Variants in SUGCT observed in about 807,000 individuals in gnomAD.
SUGCT encodes succinyl-CoA:glutarate CoA-transferase.
In SUGCT, 41 loss-of-function variants were observed where a neutral mutation model predicts 55.0. The ratio of observed to expected loss-of-function variants is 0.74; its 90% CI spans 0.58 to 0.97. SUGCT has a LOEUF of 0.97. Ranked by LOEUF, SUGCT falls within the 50% of genes least tolerant of loss-of-function variation. The pLI is 0.00. For missense variants in SUGCT, 568 were observed against 547.8 expected, an observed-to-expected ratio of 1.04 and a Z score of -0.37; for synonymous variants, 187 against 200.4, an observed-to-expected ratio of 0.93 and a Z score of 0.56.
chr7:40,831,889 G>T (rs1008618246), intron 13 of SUGCT, among the ~76,000 whole-genome samples: 1 of 152,182 alleles, frequency 6.6e-6, no homozygotes, highest in Non-Finnish European at 1.5e-5. Context: ...ACACTGGCAG[G>T]ACAGCCTAGA....
intron 12 of SUGCT, among the ~76,000 whole-genome samples, chr7:40,534,759 C>T (rs963871460): frequency 4.6e-5 from 7 of 152,036 alleles, no homozygotes; most frequent in East Asian, 1.9e-4. Flanking sequence ...CAGTAATTTC[C>T]GAATAACCTT....
the SUGCT span, among the ~76,000 whole-genome samples, chr7:41,025,963 G>A: frequency 2.6e-5 from 4 of 152,252 alleles, no homozygotes; most frequent in East Asian, 1.9e-4. Flanking sequence ...AAAATGGGTC[G>A]AGGGGTGGAC....
chr7:40,322,952 G>A (rs765981489), intron 9 of SUGCT, among the ~76,000 whole-genome samples: 10 of 46,604 alleles, frequency 2.1e-4, no homozygotes, highest in Non-Finnish European at 4.1e-4. Flanking sequence ...GTGACAGAGC[G>A]AGACCCTGTC....
At chr7:40,202,971 C>A (rs1256379461) in intron 6 of SUGCT, among the ~76,000 whole-genome samples, 1 of 152,152 alleles carries the variant, frequency 6.6e-6, no homozygotes, top group Non-Finnish European at 1.5e-5. Context: ...TAGCCATAAC[C>A]CCTTGCCTTT....
chr7:40,374,476 A>G (rs545447503), intron 9 of SUGCT, among the ~76,000 whole-genome samples: 1 of 152,186 alleles, frequency 6.6e-6, no homozygotes, highest in Non-Finnish European at 1.5e-5. Flanking sequence ...CAAGATATTA[A>G]TCCAAATAAA....
rs186427380 is a variant in SUGCT, at chr7:40,587,233, T to C, written c.1089+90847T>C. ...TTGATGGTAGTAGTGGTTACATGAC[T>C]ATACATTTGTCAAAACTCAGAGAAC... On this transcript the variant is annotated intron_variant, in intron 12 of 13. Transcript: ENST00000335693. 2.6e-3 allele frequency among the ~76,000 whole-genome samples: 389 copies of C among 152,312 alleles called. 2 individuals carry two copies. Among genetic ancestry groups the C allele is most frequent in the Non-Finnish European group, 3.8e-3 (261 of 68,034 alleles).
intron 8 of SUGCT, among the ~76,000 whole-genome samples, chr7:40,297,217 G>A (rs1433456000): frequency 6.6e-6 from 1 of 152,024 alleles, no homozygotes; most frequent in Admixed American, 6.6e-5. Context: ...TCCTGCCCTA[G>A]GAGCCCATTG....
chr7:40,643,647 AT>A (rs1298324937), intron 12 of SUGCT, among the ~76,000 whole-genome samples: 1 of 152,220 alleles, frequency 6.6e-6, no homozygotes, highest in African/African-American at 2.4e-5. Flanking sequence ...GCTCATTTGA[AT>A]TTTTCTTCTC....
intron 12 of SUGCT, among the ~76,000 whole-genome samples, chr7:40,683,095 A>T (rs1199199010): frequency 6.6e-6 from 1 of 151,868 alleles, no homozygotes; most frequent in East Asian, 1.9e-4. Context: ...TTTACTTTAG[A>T]TGACTTTTCT....
the SUGCT span, among the ~76,000 whole-genome samples, chr7:40,994,487 G>A: frequency 6.6e-6 from 1 of 151,978 alleles, no homozygotes; most frequent in Non-Finnish European, 1.5e-5. Context: ...TGCCCCAAGT[G>A]TAAAGAGATT....
intron 11 of SUGCT, among the ~76,000 whole-genome samples, chr7:40,464,720 C>G (rs1790006451): frequency 6.6e-6 from 1 of 152,158 alleles, no homozygotes. Context: ...GCCTGTAGTC[C>G]CAGCTACTTT....
chr7:40,657,247 G>A (rs1169431079), intron 12 of SUGCT, among the ~76,000 whole-genome samples: 1 of 151,904 alleles, frequency 6.6e-6, no homozygotes, highest in African/African-American at 2.4e-5. Context: ...TATCTATTAT[G>A]CTTCTTTTCC....
chr7:40,724,561 CA>C (rs941525070), intron 12 of SUGCT, among the ~76,000 whole-genome samples: 328 of 139,560 alleles, frequency 2.4e-3, no homozygotes, highest in African/African-American at 5.9e-3. Flanking sequence ...GACTCCATCT[CA>C]AAAAAAAAAA....
the SUGCT span, among the ~76,000 whole-genome samples, chr7:41,019,921 A>G: frequency 4.3e-3 from 648 of 152,276 alleles, 4 homozygotes; most frequent in Non-Finnish European, 7.5e-3. Context: ...GATATGAGGT[A>G]CCTCCCCATG....
At chr7:40,835,885 T>C (rs539080102) in intron 13 of SUGCT, among the ~76,000 whole-genome samples, 1 of 151,386 alleles carries the variant, frequency 6.6e-6, no homozygotes, top group African/African-American at 2.4e-5. Flanking sequence ...CATTTTCTTT[T>C]TTTTCTTTTT....
At chr7:40,373,313 T>TCTATAGATTCTAGAAAATTC (rs1784385081) in intron 9 of SUGCT, among the ~76,000 whole-genome samples, 1 of 149,522 alleles carries the variant, frequency 6.7e-6, no homozygotes, top group Admixed American at 6.7e-5. Flanking sequence ...CTAGAAAATT[T>TCTATAGATTCTAGAAAATTC]AGAATCTATA....
At chr7:40,410,040 C>A (rs1165397158) in intron 9 of SUGCT, among the ~76,000 whole-genome samples, 1 of 152,040 alleles carries the variant, frequency 6.6e-6, no homozygotes, top group African/African-American at 2.4e-5. Flanking sequence ...TGGGTAGAAT[C>A]TTTGCCCCTT....
chr7:41,037,334 T>C, the SUGCT span, among the ~76,000 whole-genome samples: 4 of 152,098 alleles, frequency 2.6e-5, no homozygotes, highest in Admixed American at 1.3e-4. Context: ...TCTTTCCCTC[T>C]AAATTGTGAA....
At chr7:40,888,185 T>C in the SUGCT span, among the ~76,000 whole-genome samples, 1 of 152,132 alleles carries the variant, frequency 6.6e-6, no homozygotes, top group Non-Finnish European at 1.5e-5. Context: ...GACTGAAACC[T>C]GGGGCATCTC....
Sources: gnomAD v4.1 joint callset for allele counts (sites outside exome capture counted in the v4.1 genomes callset) on GRCh38, gnomAD v4.1.1 for gene constraint, MANE v1.5 for transcripts, NCBI Gene and HGNC (gene_info 2026-07-23, HGNC 2026-07-21) for gene names.